The following TTC39B variants were observed in gnomAD, a reference collection of about 807,000 sequenced individuals.
TTC39B encodes tetratricopeptide repeat protein 39B.
TTC39B carries 92 observed loss-of-function variants against 96.6 expected under a neutral mutation model. That is an observed-to-expected ratio of 0.95 (90% CI 0.80 to 1.13). The LOEUF is 1.13. Among genes scored for constraint, TTC39B ranks in the 50% most tolerant of loss-of-function variants. TTC39B has a pLI of 0.00. For synonymous variants in TTC39B, 367 were observed against 299.4 expected (o/e 1.23, Z -2.33); for missense variants, 955 against 809.3 (o/e 1.18, Z -2.18).
At chr9:15,267,027 C>T (rs1356822585) in intron 2 of TTC39B, among the ~76,000 whole-genome samples, 3 of 152,180 alleles carry the variant, frequency 2.0e-5, no homozygotes, top group Middle Eastern at 3.4e-3. Flanking sequence ...TGCAGTGAGC[C>T]GAGATCGTGC....
chr9:15,280,714 G>A (rs1012783950), intron 1 of TTC39B, among the ~76,000 whole-genome samples: 1 of 152,224 alleles, frequency 6.6e-6, no homozygotes, highest in Admixed American at 6.5e-5. Context: ...AGGGGAGTTT[G>A]CTAGAAGAGG....
intron 2 of TTC39B, among the ~76,000 whole-genome samples, chr9:15,227,981 C>T (rs1426236719): frequency 1.3e-5 from 2 of 151,922 alleles, no homozygotes; most frequent in African/African-American, 4.8e-5. Context: ...TATATTTAAT[C>T]GTTTATAATT....
chr9:15,252,436 C>T (rs1456503974), intron 2 of TTC39B, among the ~76,000 whole-genome samples: 1 of 152,120 alleles, frequency 6.6e-6, no homozygotes, highest in African/African-American at 2.4e-5. Context: ...ATCATGAGGT[C>T]AGGAGATCAA....
At chr9:15,267,287 G>C (rs1386241410) in intron 2 of TTC39B, among the ~76,000 whole-genome samples, 1 of 152,196 alleles carries the variant, frequency 6.6e-6, no homozygotes, top group African/African-American at 2.4e-5. Context: ...TGTTATAGAA[G>C]CTGAAGTTAA....
At chr9:15,293,770 T>G (rs1824274855) in intron 1 of TTC39B, among the ~76,000 whole-genome samples, 1 of 152,248 alleles carries the variant, frequency 6.6e-6, no homozygotes, top group African/African-American at 2.4e-5. Context: ...CTGTACATCG[T>G]GAGCTACAAG....
intron 6 of TTC39B, among the ~76,000 whole-genome samples, chr9:15,205,066 A>G (rs1252807173): frequency 6.6e-6 from 1 of 152,210 alleles, no homozygotes; most frequent in Non-Finnish European, 1.5e-5. Context: ...TCTGCCATGT[A>G]CGAGCTATGG....
intron 19 of TTC39B, among the ~76,000 whole-genome samples, chr9:15,173,500 A>T (rs1164370660): frequency 1.3e-5 from 2 of 152,100 alleles, no homozygotes; most frequent in African/African-American, 4.8e-5. Flanking sequence ...TCTGGTCTTA[A>T]CTTGTTTGAC....
chr9:15,236,775 T>C (rs1437956808), intron 2 of TTC39B, among the ~76,000 whole-genome samples: 1 of 152,124 alleles, frequency 6.6e-6, no homozygotes, highest in African/African-American at 2.4e-5. Flanking sequence ...TTTAAATGAA[T>C]GAAAACAAAG....
chr9:15,189,743 G>A (rs1357920592), exon 12 of TTC39B: 1 of 1,613,852 alleles, frequency 6.2e-7, no homozygotes, highest in Non-Finnish European at 8.5e-7. Context: ...ACTGCTGGAG[G>A]AAGGGTGCCA....
chr9:15,202,486 T>C (rs1395760852), intron 7 of TTC39B, among the ~76,000 whole-genome samples: 2 of 152,140 alleles, frequency 1.3e-5, no homozygotes, highest in East Asian at 1.9e-4. Flanking sequence ...CCGAGGTGGG[T>C]GGAACACCTG....
chr9:15,192,071 A>ATAG (rs1391752386), intron 9 of TTC39B, among the ~76,000 whole-genome samples: 1 of 152,218 alleles, frequency 6.6e-6, no homozygotes, highest in Admixed American at 6.5e-5. Flanking sequence ...CAAAGTGGCC[A>ATAG]TAGTGGCACA....
At chr9:15,187,244 A>C (rs140510030) in intron 14 of TTC39B, among the ~76,000 whole-genome samples, 1 of 152,318 alleles carries the variant, frequency 6.6e-6, no homozygotes, top group East Asian at 1.9e-4. Flanking sequence ...TTATACAACT[A>C]CAGCATTCAT....
chr9:15,270,633 T>C (rs1268873806), intron 1 of TTC39B, among the ~76,000 whole-genome samples: 2 of 144,432 alleles, frequency 1.4e-5, no homozygotes, highest in Non-Finnish European at 3.0e-5. Flanking sequence ...AAAAAAAGAA[T>C]ATCAAGCCAG....
intron 2 of TTC39B, among the ~76,000 whole-genome samples, chr9:15,230,132 A>T (rs1164249666): frequency 2.0e-5 from 3 of 152,238 alleles, no homozygotes; most frequent in African/African-American, 7.2e-5. Flanking sequence ...GGCTACGAAA[A>T]ATAACACACC....
intron 11 of TTC39B, among the ~76,000 whole-genome samples, chr9:15,190,336 T>A (rs71513215): frequency 4.0e-5 from 6 of 151,804 alleles, no homozygotes; most frequent in African/African-American, 1.2e-4. Context: ...TTATGTTTTG[T>A]CTTGTTTTGT....
rs374578624 is a variant in TTC39B at position 15,292,380 on chromosome 9, C to G, written c.240+14704G>C. On this transcript the variant is annotated intron_variant, in intron 1 of 19. Coordinates refer to ENST00000512701, the Ensembl canonical transcript of TTC39B. ...ATATTTGTGGTGATGCCGGTATAAA[C>G]AAACCTACTGCACCAACAGTTATAT... Among the ~76,000 whole-genome samples the G allele has an allele frequency of 8.0e-4, 122 of 152,298 alleles. 4 individuals carry two copies. The South Asian group carries it at 0.025, about 31-fold the overall frequency.
intron 15 of TTC39B, 160 bp downstream of exon 15, chr9:15,186,784 C>T: frequency 1.6e-6 from 1 of 634,186 alleles, no homozygotes; most frequent in Non-Finnish European, 2.8e-6. Context: ...CAACCTCCAC[C>T]TCCCAGGCTT....
chr9:15,302,381 T>C (rs1311736103), intron 1 of TTC39B, among the ~76,000 whole-genome samples: 50 of 127,400 alleles, frequency 3.9e-4, no homozygotes, highest in African/African-American at 9.0e-4. Flanking sequence ...CTTTGGGAGG[T>C]CGAGGTGGGT....
At chr9:15,169,507 C>T (rs1817589836) in exon 20 of TTC39B, 1 of 152,128 alleles carries the variant, frequency 6.6e-6, no homozygotes, top group Admixed American at 6.5e-5. Context: ...CAATGGCAAC[C>T]CAACCCCATC....
Sources: gnomAD v4.1 joint callset for allele counts (sites outside exome capture counted in the v4.1 genomes callset) on GRCh38, gnomAD v4.1.1 for gene constraint, MANE v1.5 for transcripts, NCBI Gene and HGNC (gene_info 2026-07-23, HGNC 2026-07-21) for gene names.